ARL10: variants seen among roughly 807,000 people sequenced by gnomAD.
ARL10 encodes the protein ARF like GTPase 10.
A neutral mutation model predicts 26.1 loss-of-function variants in ARL10; 23 were observed. The observed-to-expected ratio is 0.88, with a 90% CI of 0.63 to 1.25. The LOEUF is 1.25. Ranked by LOEUF, ARL10 falls within the 50% of genes most tolerant of loss-of-function variation. ARL10 has a pLI of 0.00. For missense variants in ARL10, 300 were observed against 323.6 expected (o/e 0.93, Z 0.56); for synonymous variants, 138 against 149.1 (o/e 0.93, Z 0.54).
chr5:176,397,725 C>T (rs767567441), intron 1 of ARL10: 2 of 1,609,716 alleles, frequency 1.2e-6, no homozygotes, highest in East Asian at 2.2e-5. Flanking sequence ...GCATCTAGGA[C>T]CCCACAAGAG....
At chr5:176,389,128 G>A (rs896621752), downstream of ARL10, among the ~76,000 whole-genome samples, 4 of 152,032 alleles carry the variant, frequency 2.6e-5, no homozygotes. Flanking sequence ...TGATTGGAGC[G>A]GGAGCAGCGG....
downstream of ARL10, chr5:176,389,360 T>G (rs929226932): frequency 1.4e-5 from 22 of 1,614,010 alleles, no homozygotes; most frequent in Non-Finnish European, 1.9e-5. Context: ...CGCCCTCACC[T>G]ACGGCCTCTA....
Position 176,375,168 on chromosome 5 carries a change from C to T in ARL10, c.*3273C>T. 1 of 94,494 alleles carries T rather than the reference C, an allele frequency of 1.1e-5. No individual in the cohort carries two copies. Among genetic ancestry groups the T allele is most frequent in the Non-Finnish European group, 2.2e-5 (1 of 44,798 alleles). 5.9% of individuals were successfully genotyped at this position (94,494 alleles called of 1,614,324 possible). On this transcript the variant is annotated 3_prime_UTR_variant, in exon 4 of 4. Transcript: ENST00000310389. ...TCCACCCACCCACCCATCCATCCAC[C>T]CACCCACCCACCCATCCACCCATCC...
At chr5:176,384,676 A>G (rs527267283), downstream of ARL10, 35 of 429,510 alleles carry the variant, frequency 8.1e-5, no homozygotes, top group African/African-American at 6.4e-4. Flanking sequence ...AGGCCGAGGC[A>G]GGAGGACTGT....
chr5:176,398,961 G>T (rs1478839038), intron 1 of ARL10, among the ~76,000 whole-genome samples: 2 of 151,758 alleles, frequency 1.3e-5, no homozygotes, highest in Non-Finnish European at 2.9e-5. Context: ...TCCTACCTCA[G>T]CCTCCTGAGT....
Position 176,376,904 on chromosome 5 carries a change from A to G in ARL10, c.*5009A>G, listed in dbSNP as rs746486518. On this transcript the variant is annotated 3_prime_UTR_variant, in exon 4 of 4. Transcript: ENST00000310389. Reference sequence around the variant, plus strand: ...GCACTTTTTCTCTGATACCATCTCCAGAAGACCTAGTCTCAGGTTACAGAT... The same window carrying G: ...GCACTTTTTCTCTGATACCATCTCCGGAAGACCTAGTCTCAGGTTACAGAT... The G allele has an allele frequency of 6.6e-6, 1 of 152,358 alleles. No individual in the cohort carries two copies. Among genetic ancestry groups the G allele is most frequent in the Non-Finnish European group, 1.5e-5 (1 of 68,032 alleles). The allele number at this position is 152,358 out of a possible 1,614,324, so 9.4% of individuals were successfully genotyped here.
downstream of ARL10, among the ~76,000 whole-genome samples, chr5:176,402,961 GGAGGA>G (rs1265492466): frequency 6.6e-6 from 1 of 152,184 alleles, no homozygotes; most frequent in African/African-American, 2.4e-5. Context: ...GCCAGATGTG[GGAGGA>G]GAGGAGTGGT....
At chr5:176,414,609 A>G in the ARL10 span, among the ~76,000 whole-genome samples, 1 of 151,952 alleles carries the variant, frequency 6.6e-6, no homozygotes, top group Non-Finnish European at 1.5e-5. Context: ...TGCCTGGCTA[A>G]TTTTTGTATG....
downstream of ARL10, chr5:176,392,893 C>G: frequency 2.5e-6 from 4 of 1,614,232 alleles, no homozygotes; most frequent in Non-Finnish European, 3.4e-6. This position sits in a 1 kb window ranked among gnomAD's most constrained non-coding sequence, Gnocchi z 5.2. Flanking sequence ...TTCTCCCACT[C>G]TGTGCCTGGG....
chr5:176,383,872 C>T (rs1055275350), downstream of ARL10: 12 of 1,140,580 alleles, frequency 1.1e-5, no homozygotes, highest in South Asian at 9.8e-5. Flanking sequence ...CTCTCAGCCC[C>T]GGTAGAGGTG....
downstream of ARL10, among the ~76,000 whole-genome samples, chr5:176,390,354 G>A (rs953782159): frequency 6.6e-6 from 1 of 151,780 alleles, no homozygotes; most frequent in Non-Finnish European, 1.5e-5. Context: ...GAGGCAGAGG[G>A]TTCTGCCCTC....
At chr5:176,386,750 T>C (rs762389421), downstream of ARL10, 5 of 1,143,650 alleles carry the variant, frequency 4.4e-6, no homozygotes, top group African/African-American at 6.1e-5. Context: ...ACTTGGTTTC[T>C]CCATCTGCAA....
At position 176,374,453 on chromosome 5, in the gene ARL10, G is replaced by A. The variant is rs181058059; in HGVS notation, c.*2558G>A. The A allele has an allele frequency of 2.8e-4, 43 of 152,286 alleles. No homozygotes were observed. The highest frequency in any genetic ancestry group is 9.4e-4 in the African/African-American group (39 of 41,528). 9.4% of individuals were successfully genotyped at this position (152,286 alleles called of 1,614,324 possible). On this transcript the variant is annotated 3_prime_UTR_variant, in exon 4 of 4. Coordinates refer to ENST00000310389, the MANE Select transcript of ARL10 (RefSeq NM_173664.6). ...TGAGGTACAAAGGATGACTGCATTG[G>A]TGTACTTAAGACTACAACACATCAG...
chr5:176,385,091 A>G, downstream of ARL10: 1 of 710,410 alleles, frequency 1.4e-6, no homozygotes. Context: ...AATGGGATCC[A>G]TTTCCTAGAG....
chr5:176,412,815 C>G, the ARL10 span, among the ~76,000 whole-genome samples: 1 of 152,162 alleles, frequency 6.6e-6, no homozygotes, highest in Non-Finnish European at 1.5e-5. Context: ...ACAGTGGGAC[C>G]AATAGCATTT....
exon 2 of ARL10, chr5:176,401,843 AGTCATCAGCAGGGCCT>A: frequency 2.2e-6 from 1 of 449,608 alleles, no homozygotes; most frequent in Admixed American, 2.4e-5. Context: ...CCCCCGTGCA[AGTCATCAGCAGGGCCT>A]GTCATCACAA....
intron 3 of ARL10, among the ~76,000 whole-genome samples, chr5:176,371,319 G>A (rs190743330): frequency 1.3e-5 from 2 of 152,224 alleles, no homozygotes; most frequent in South Asian, 2.1e-4. Context: ...GGAGGTGGAG[G>A]TTGCAGTGAG....
At chr5:176,401,666 GTCAC>G (rs1469369448) in intron 1 of ARL10, 6 of 451,144 alleles carry the variant, frequency 1.3e-5, no homozygotes, top group Admixed American at 9.5e-5. Flanking sequence ...TCCTGCAATC[GTCAC>G]TCACTCGCTC....
At position 176,374,191 on chromosome 5, in the gene ARL10, T is replaced by A. The variant is rs965004712; in HGVS notation, c.*2296T>A. On this transcript the variant is annotated 3_prime_UTR_variant, in exon 4 of 4. Transcript: ENST00000310389. ...GTTAGGTTACGAGTTGTTTACACGT[T>A]AAGTTACAATTCACTGTGTACAGAG... The A allele has an allele frequency of 1.3e-5, 2 of 152,234 alleles. No individual in the cohort carries two copies. The highest frequency in any genetic ancestry group is 4.8e-5 in the African/African-American group (2 of 41,468). 9.4% of individuals were successfully genotyped at this position (152,234 alleles called of 1,614,324 possible). A position where few individuals can be genotyped will look rare whatever the true frequency, so the allele number is the denominator to read the frequency against.
Sources: gnomAD v4.1 joint callset for allele counts (sites outside exome capture counted in the v4.1 genomes callset) on GRCh38, gnomAD v4.1.1 for gene constraint, Gnocchi (gnomAD v3.1) non-coding constraint, MANE v1.5 for transcripts, NCBI Gene and HGNC (gene_info 2026-07-23, HGNC 2026-07-21) for gene names.